The following SOCS7 variants were observed in gnomAD, a reference collection of about 807,000 sequenced individuals.
SOCS7 encodes the protein NAP-4.
SOCS7 carries 18 observed loss-of-function variants against 58.9 expected under a neutral mutation model. The observed-to-expected ratio is 0.31, with a 90% CI of 0.21 to 0.45. The LOEUF is 0.45. Ranked by LOEUF, SOCS7 falls within the 20% of genes least tolerant of loss-of-function variation. The probability of loss-of-function intolerance (pLI) is 1.00; values close to 1 mark genes in which losing one functional copy is unlikely to be tolerated. For missense variants in SOCS7, 667 were observed against 837.3 expected (o/e 0.80, Z 2.51); for synonymous variants, 388 against 364.3 (o/e 1.06, Z -0.74).
intron 4 of SOCS7, 43 bp downstream of exon 4, chr17:38,365,452 C>G: frequency 7.9e-7 from 1 of 1,259,052 alleles, no homozygotes; most frequent in Non-Finnish European, 1.1e-6. Flanking sequence ...GTTGGGAGTA[C>G]AAAGTGATAC....
intron 9 of SOCS7, among the ~76,000 whole-genome samples, chr17:38,399,087 CAAA>C (rs1212485683): frequency 1.2e-4 from 7 of 59,656 alleles, no homozygotes; most frequent in African/African-American, 1.1e-4. Context: ...GACTCCGTCT[CAAA>C]AAAAAAAAAA....
rs200842782 is a variant in SOCS7 at position 38,380,643 on chromosome 17, AT to A, written c.1681+2802del. 1.5e-3 allele frequency among the ~76,000 whole-genome samples: 219 copies of A among 148,956 alleles called. 1 individual carries two copies. Among genetic ancestry groups the A allele is most frequent in the African/African-American group, 4.4e-3 (176 of 39,748 alleles). On this transcript the variant is annotated intron_variant, in intron 7 of 9. Transcript: ENST00000612932. ...AAGACTCTGTCTCAAAAAAAAAAAA[AT>A]AATAATAATAATGATAATGATGTGT...
chr17:38,376,520 T>A (rs189295024), intron 6 of SOCS7, among the ~76,000 whole-genome samples: 1 of 152,086 alleles, frequency 6.6e-6, no homozygotes, highest in East Asian at 1.9e-4. Context: ...TCACTTGAGG[T>A]CAGGAGTTCG....
chr17:38,386,750 C>T (rs1421822532), intron 7 of SOCS7, among the ~76,000 whole-genome samples: 1 of 151,930 alleles, frequency 6.6e-6, no homozygotes, highest in Admixed American at 6.6e-5. Context: ...TTCAAGATAA[C>T]GAATTGGTTC....
At chr17:38,380,519 A>C (rs2037987393) in intron 7 of SOCS7, among the ~76,000 whole-genome samples, 1 of 151,214 alleles carries the variant, frequency 6.6e-6, no homozygotes, top group Non-Finnish European at 1.5e-5. Flanking sequence ...AATCCTAGCT[A>C]CTCTGGAGGC....
chr17:38,359,205 A>G (rs1168215566), intron 1 of SOCS7, among the ~76,000 whole-genome samples: 1 of 152,196 alleles, frequency 6.6e-6, no homozygotes, highest in Non-Finnish European at 1.5e-5. Context: ...TGGAATTAAC[A>G]TTGCATTCCA....
At chr17:38,391,124 A>G (rs1041920376) in intron 7 of SOCS7, among the ~76,000 whole-genome samples, 1 of 152,180 alleles carries the variant, frequency 6.6e-6, no homozygotes, top group Non-Finnish European at 1.5e-5. Flanking sequence ...GCTAGAGTAT[A>G]GAAATTTAAT....
chr17:38,395,290 T>A lies in SOCS7; in HGVS notation c.1682-19T>A, dbSNP rs1360730959. ...CCATTGTTTCCTCTGAATACTTTCC[T>A]TTGTTTTCTTTCTTGAAGGACTGCC... On this transcript the variant is annotated intron_variant, in intron 7 of 9. Coordinates refer to ENST00000612932, the MANE Select transcript of SOCS7 (RefSeq NM_014598.4). The A allele has an allele frequency of 6.2e-7, 1 of 1,612,834 alleles. No individual in the cohort carries two copies. Among genetic ancestry groups the A allele is most frequent in the African/African-American group, 1.3e-5 (1 of 74,910 alleles).
intron 6 of SOCS7, among the ~76,000 whole-genome samples, chr17:38,368,254 T>C (rs1444000042): frequency 6.6e-6 from 1 of 152,148 alleles, no homozygotes; most frequent in Non-Finnish European, 1.5e-5. Context: ...AAGGGTTCCA[T>C]TTAAAAGTCT....
chr17:38,387,131 A>ATGTGTATATATATATATATGTATG (rs1555570694), intron 7 of SOCS7, among the ~76,000 whole-genome samples: 1 of 87,908 alleles, frequency 1.1e-5, no homozygotes, highest in African/African-American at 6.4e-5. Flanking sequence ...ATATATATGT[A>ATGTGTATATATATATATATGTATG]TGTATATATA....
chr17:38,377,212 A>G (rs545808121), intron 6 of SOCS7, among the ~76,000 whole-genome samples: 1 of 152,370 alleles, frequency 6.6e-6, no homozygotes, highest in Admixed American at 6.5e-5. Flanking sequence ...GTTCATACTC[A>G]GTGAACAATT....
At chr17:38,391,450 G>A (rs2038172535) in intron 7 of SOCS7, among the ~76,000 whole-genome samples, 1 of 152,140 alleles carries the variant, frequency 6.6e-6, no homozygotes, top group Non-Finnish European at 1.5e-5. Flanking sequence ...GAGTGCAGTG[G>A]TACAATCATA....
chr17:38,360,541 T>C (rs1193062076), intron 1 of SOCS7, among the ~76,000 whole-genome samples: 1 of 151,352 alleles, frequency 6.6e-6, no homozygotes, highest in Non-Finnish European at 1.5e-5. Flanking sequence ...ATTTTTTATT[T>C]TATTTTACTT....
intron 7 of SOCS7, among the ~76,000 whole-genome samples, chr17:38,383,906 T>C (rs971143639): frequency 6.6e-6 from 1 of 152,170 alleles, no homozygotes; most frequent in Non-Finnish European, 1.5e-5. Context: ...TTAGACATAC[T>C]CAGAAGAGGT....
chr17:38,361,690 C>T (rs2037721243), intron 1 of SOCS7, 21 bp from the exon 2 acceptor site: 1 of 1,601,224 alleles, frequency 6.2e-7, no homozygotes, highest in Non-Finnish European at 8.6e-7. Context: ...TCTATTCTCT[C>T]TCTGCTTTCT....
At chr17:38,376,670 T>G (rs1255698856) in intron 6 of SOCS7, among the ~76,000 whole-genome samples, 2 of 151,388 alleles carry the variant, frequency 1.3e-5, no homozygotes, top group Non-Finnish European at 2.9e-5. Flanking sequence ...AAGTGGAGGT[T>G]GCAGTGAGCC....
chr17:38,366,258 C>A, intron 4 of SOCS7, 29 bp from the exon 5 acceptor site: 1 of 1,610,192 alleles, frequency 6.2e-7, no homozygotes, highest in Non-Finnish European at 8.5e-7. Context: ...TGAGGGTAAA[C>A]AAGTGACCAC....
Position 38,405,590 on chromosome 17 carries a change from A to G in SOCS7, c.*6108A>G, listed in dbSNP as rs1290335254. 6.6e-6 allele frequency: 1 copy of G among 152,084 alleles called. No homozygotes were observed. Among genetic ancestry groups the G allele is most frequent in the Non-Finnish European group, 1.5e-5 (1 of 68,014 alleles). 9.4% of individuals were successfully genotyped at this position (152,084 alleles called of 1,614,324 possible). On this transcript the variant is annotated 3_prime_UTR_variant, in exon 10 of 10. Transcript: ENST00000612932. Reference sequence around the variant, plus strand: ...AGATTTGAAATAAAAATGTTTAGAAATTATTTCATGTTCTTTGGTTTGGTG... The same window carrying G: ...AGATTTGAAATAAAAATGTTTAGAAGTTATTTCATGTTCTTTGGTTTGGTG...
chr17:38,369,674 C>CTTTTTTTT (rs11299884), intron 6 of SOCS7, among the ~76,000 whole-genome samples: 1 of 125,984 alleles, frequency 7.9e-6, no homozygotes. Flanking sequence ...TCTCCGATTA[C>CTTTTTTTT]TTTTTTTTTT....
Sources: allele counts gnomAD v4.1 joint callset (sites outside exome capture counted in the v4.1 genomes callset), GRCh38; gene constraint gnomAD v4.1.1; transcripts MANE v1.5; gene names NCBI Gene and HGNC (gene_info 2026-07-23, HGNC 2026-07-21).